The following NPSR1 variants were observed in gnomAD, a reference collection of about 807,000 sequenced individuals.
The protein encoded by NPSR1 is neuropeptide S receptor 1, also known as neuropeptide S receptor.
NPSR1 carries 48 observed loss-of-function variants against 46.9 expected under a neutral mutation model. The observed-to-expected ratio is 1.02, with a 90% CI of 0.81 to 1.30. The LOEUF (loss-of-function observed/expected upper bound fraction) is 1.30. NPSR1 is among the 50% of genes most tolerant of loss of function. The pLI is 0.00. For missense variants in NPSR1, 450 were observed against 449.5 expected (o/e 1.00, Z -0.01); for synonymous variants, 176 against 168.1 (o/e 1.05, Z -0.36).
chr7:34,865,648 T>G (rs1195343586), intron 8 of NPSR1, among the ~76,000 whole-genome samples: 1 of 151,746 alleles, frequency 6.6e-6, no homozygotes, highest in African/African-American at 2.4e-5. Flanking sequence ...TATATACTGT[T>G]TCTCAAGACA....
chr7:34,663,735 T>A (rs1791592012), intron 1 of NPSR1, among the ~76,000 whole-genome samples: 1 of 152,226 alleles, frequency 6.6e-6, no homozygotes, highest in Non-Finnish European at 1.5e-5. Flanking sequence ...GGGAAATTGA[T>A]GACACAGTGT....
chr7:34,806,018 A>C (rs1259410110), intron 3 of NPSR1, among the ~76,000 whole-genome samples: 2 of 152,058 alleles, frequency 1.3e-5, no homozygotes, highest in Non-Finnish European at 2.9e-5. Flanking sequence ...ATTCAAAAAA[A>C]ACTGAAAATA....
At chr7:34,749,726 G>A (rs1785411150) in intron 2 of NPSR1, among the ~76,000 whole-genome samples, 1 of 152,190 alleles carries the variant, frequency 6.6e-6, no homozygotes, top group Non-Finnish European at 1.5e-5. Flanking sequence ...TGTAATAACT[G>A]ACACAATTAA....
At chr7:34,794,705 C>G (rs1788094328) in intron 3 of NPSR1, among the ~76,000 whole-genome samples, 1 of 152,022 alleles carries the variant, frequency 6.6e-6, no homozygotes, top group South Asian at 2.1e-4. Context: ...CAGCATTACA[C>G]TAATACCAAA....
Position 34,834,436 on chromosome 7 carries a change from G to A in NPSR1, c.733G>A (p.Glu245Lys), listed in dbSNP as rs140146458. 121 of 1,612,828 alleles carry A rather than the reference G, an allele frequency of 7.5e-5. No individual in the cohort carries two copies. Among genetic ancestry groups the A allele is most frequent in the Middle Eastern group, 4.9e-4 (3 of 6,080 alleles). The change falls in exon 6 of 9, where the codon GAA (glutamate) becomes AAA (lysine). Residue 245 changes from glutamate to lysine, a missense_variant. Physicochemically the swap from Glu to Lys is moderately conservative, Grantham distance 56. Coordinates refer to ENST00000360581, the MANE Select transcript of NPSR1 (RefSeq NM_207172.2). ...TATTTGGATTAAAAGCAAAACCTACGAAACAGTGATTTCCAACTGCTCAGG... is the reference window on the plus strand; with the variant it reads ...TATTTGGATTAAAAGCAAAACCTACAAAACAGTGATTTCCAACTGCTCAGG... Reference protein sequence around the residue: ...RTIWIKSKTYETVISNCSDGK... With the variant: ...RTIWIKSKTYKTVISNCSDGK...
chr7:34,685,000 A>G (rs1055323106), intron 2 of NPSR1, among the ~76,000 whole-genome samples: 1 of 152,198 alleles, frequency 6.6e-6, no homozygotes, highest in Admixed American at 6.5e-5. Context: ...TGATATTACC[A>G]TATCATCCTG....
At chr7:34,869,006 T>C (rs1791388938) in intron 8 of NPSR1, among the ~76,000 whole-genome samples, 1 of 151,668 alleles carries the variant, frequency 6.6e-6, no homozygotes, top group African/African-American at 2.4e-5. Context: ...TTGCTGTCTT[T>C]CATTGCACCT....
rs767354385 is a variant in NPSR1 at position 34,705,703 on chromosome 7, ATCT to A, written c.280+21024_280+21026del. ...TGTGATATTAATATTATGTTTATCT[ATCT>A]TCTTTTTATTGCACTTGTTTGCCAA... On this transcript the variant is annotated intron_variant, in intron 2 of 8. Transcript: ENST00000360581. Among the ~76,000 whole-genome samples the A allele has an allele frequency of 2.6e-5, 4 of 151,990 alleles. No homozygotes were observed. In the East Asian group the frequency reaches 5.8e-4, roughly 22 times the overall value.
intron 5 of NPSR1, among the ~76,000 whole-genome samples, chr7:34,829,561 G>T (rs756786557): frequency 6.6e-6 from 1 of 152,158 alleles, no homozygotes; most frequent in Non-Finnish European, 1.5e-5. Flanking sequence ...ACATGTCCTG[G>T]CTTCACTGCT....
intron 2 of NPSR1, among the ~76,000 whole-genome samples, chr7:34,720,978 A>C (rs1783827029): frequency 6.6e-6 from 1 of 152,188 alleles, no homozygotes; most frequent in African/African-American, 2.4e-5. Context: ...AGAAAAGGAT[A>C]TCTCTGAAAA....
intron 2 of NPSR1, among the ~76,000 whole-genome samples, chr7:34,731,761 A>C (rs1269012202): frequency 6.6e-6 from 1 of 152,170 alleles, no homozygotes; most frequent in Admixed American, 6.5e-5. Context: ...TGCACAGATA[A>C]ATCTTGAAGG....
chr7:34,704,285 T>C (rs1209075825), intron 2 of NPSR1: 2 of 152,222 alleles, frequency 1.3e-5, no homozygotes, highest in African/African-American at 4.8e-5. Flanking sequence ...TCTGAATTCA[T>C]ACAATTTATA....
At chr7:34,827,062 G>T (rs180726212) in intron 4 of NPSR1, among the ~76,000 whole-genome samples, 1 of 152,138 alleles carries the variant, frequency 6.6e-6, no homozygotes, top group African/African-American at 2.4e-5. Context: ...CATTTGCACC[G>T]CAACTTACCA....
At chr7:34,801,643 C>T (rs1159436787) in intron 3 of NPSR1, among the ~76,000 whole-genome samples, 1 of 145,212 alleles carries the variant, frequency 6.9e-6, no homozygotes, top group Non-Finnish European at 1.5e-5. Context: ...GAAGCATTCC[C>T]TTTGAAAACT....
chr7:34,700,307 C>T (rs893392806), intron 2 of NPSR1, among the ~76,000 whole-genome samples: 17 of 152,124 alleles, frequency 1.1e-4, no homozygotes, highest in African/African-American at 2.2e-4. Context: ...CTCAGTGCAA[C>T]GATTGTACTG....
chr7:34,805,603 T>C (rs1042973915), intron 3 of NPSR1, among the ~76,000 whole-genome samples: 1 of 149,788 alleles, frequency 6.7e-6, no homozygotes, highest in Non-Finnish European at 1.5e-5. Flanking sequence ...GAAGATAACA[T>C]AGGAGAAGAT....
At chr7:34,693,900 A>G (rs1440005587) in intron 2 of NPSR1, among the ~76,000 whole-genome samples, 1 of 152,206 alleles carries the variant, frequency 6.6e-6, no homozygotes, top group Admixed American at 6.5e-5. Flanking sequence ...AAAACTAAAA[A>G]CAAAAACCAT....
intron 3 of NPSR1, among the ~76,000 whole-genome samples, chr7:34,798,765 A>G (rs35763250): frequency 0.019 from 2,952 of 152,304 alleles, 78 homozygotes; most frequent in East Asian, 0.12. Context: ...TAGAAATTAC[A>G]CAAAGTATAC....
intron 2 of NPSR1, among the ~76,000 whole-genome samples, chr7:34,727,406 T>C (rs80310780): frequency 0.022 from 3,406 of 152,310 alleles, 115 homozygotes; most frequent in African/African-American, 0.077. Context: ...AGAGGCCTGA[T>C]GTATTATTGA....
Sources: gnomAD v4.1 joint callset for allele counts (sites outside exome capture counted in the v4.1 genomes callset) on GRCh38, gnomAD v4.1.1 for gene constraint, MANE v1.5 for transcripts, NCBI Gene and HGNC (gene_info 2026-07-23, HGNC 2026-07-21) for gene names.